KSR1: variants seen among roughly 807,000 people sequenced by gnomAD.
The protein encoded by KSR1 is kinase suppressor of ras.
A neutral mutation model predicts 92.9 loss-of-function variants in KSR1; 35 were observed. The ratio of observed to expected loss-of-function variants is 0.38; its 90% CI spans 0.29 to 0.50. KSR1 has a LOEUF of 0.50. Ranked by LOEUF, KSR1 falls within the 20% of genes least tolerant of loss-of-function variation. KSR1 has a pLI of 0.94. For missense variants in KSR1, 972 were observed against 1,158.5 expected, an observed-to-expected ratio of 0.84 and a Z score of 2.34; for synonymous variants, 467 against 472.6, an observed-to-expected ratio of 0.99 and a Z score of 0.15.
intron 1 of KSR1, among the ~76,000 whole-genome samples, chr17:27,496,050 C>T (rs748977918): frequency 2.0e-4 from 31 of 152,302 alleles, no homozygotes; most frequent in East Asian, 1.9e-4. Flanking sequence ...CATGAGCCGC[C>T]GCAAGATCTG....
At chr17:27,619,798 C>T (rs2074169909) in intron 19 of KSR1, among the ~76,000 whole-genome samples, 1 of 152,078 alleles carries the variant, frequency 6.6e-6, no homozygotes, top group African/African-American at 2.4e-5. Flanking sequence ...CTGCAACCTC[C>T]GCCTCCCGGG....
At chr17:27,557,484 C>T (rs2071647905) in intron 2 of KSR1, among the ~76,000 whole-genome samples, 1 of 152,130 alleles carries the variant, frequency 6.6e-6, no homozygotes, top group Admixed American at 6.5e-5. Context: ...GAACCACTGT[C>T]CAGTGGAAGC....
rs181211930 is a variant in KSR1, at chr17:27,459,763, C to G, written c.231+2889C>G. Among the ~76,000 whole-genome samples the G allele has an allele frequency of 1.3e-5, 2 of 152,298 alleles. No homozygotes were observed. Among genetic ancestry groups the G allele is most frequent in the Admixed American group, 6.5e-5 (1 of 15,296 alleles). ...TGGGAGAAGCAGCACGTGAAATGTC[C>G]GTGGAGGTCCCTGACCAGGGATGGG... is the stretch of plus-strand genomic sequence containing the variant. On this transcript the variant is annotated intron_variant, in intron 1 of 20. Transcript: ENST00000644974. The surrounding 1 kb of genome is among the most constrained non-coding windows in gnomAD (Gnocchi z 4.6).
intron 2 of KSR1, among the ~76,000 whole-genome samples, chr17:27,556,389 A>T (rs1029390189): frequency 4.0e-5 from 6 of 151,770 alleles, no homozygotes; most frequent in Admixed American, 6.6e-5. Context: ...CTATATATAT[A>T]TTTTAATTTT....
At chr17:27,611,399 T>A in intron 17 of KSR1, 95 bp from the exon 18 acceptor site, 1 of 1,530,108 alleles carries the variant, frequency 6.5e-7, no homozygotes, top group Non-Finnish European at 8.9e-7. Flanking sequence ...TGGAGAAGGG[T>A]CCTGATCCTC....
At chr17:27,458,880 A>G (rs1192060145) in intron 1 of KSR1, among the ~76,000 whole-genome samples, 1 of 152,176 alleles carries the variant, frequency 6.6e-6, no homozygotes, top group East Asian at 1.9e-4. Context: ...CTGCAAAACA[A>G]GGAGGCTGGA....
intron 1 of KSR1, chr17:27,465,331 A>G (rs1045943878): frequency 1.3e-5 from 2 of 152,036 alleles, no homozygotes; most frequent in African/African-American, 4.8e-5. Context: ...CCTGCTTGCC[A>G]TTTTTCTTCC....
At chr17:27,598,899 G>C (rs1162689952) in intron 10 of KSR1, among the ~76,000 whole-genome samples, 1 of 152,132 alleles carries the variant, frequency 6.6e-6, no homozygotes, top group African/African-American at 2.4e-5. Flanking sequence ...CGGTGGTTCA[G>C]CTGGAGAAGG....
At chr17:27,539,056 T>C (rs900710432) in intron 1 of KSR1, among the ~76,000 whole-genome samples, 8 of 152,194 alleles carry the variant, frequency 5.3e-5, no homozygotes, top group Non-Finnish European at 1.0e-4. Context: ...GCCTTAAGGA[T>C]AGGTAAGGGG....
intron 18 of KSR1, among the ~76,000 whole-genome samples, chr17:27,616,810 A>G (rs572976757): frequency 6.6e-6 from 1 of 152,330 alleles, no homozygotes; most frequent in African/African-American, 2.4e-5. Context: ...CAGTCGGGAC[A>G]GCTGTTCTGC....
chr17:27,487,078 T>G (rs145414705), intron 1 of KSR1, among the ~76,000 whole-genome samples: 169 of 152,298 alleles, frequency 1.1e-3, no homozygotes, highest in African/African-American at 3.8e-3. Context: ...ACCTCCCTTA[T>G]ACTGTGTTAG....
chr17:27,496,891 G>A (rs112954027), intron 1 of KSR1, among the ~76,000 whole-genome samples: 129 of 152,382 alleles, frequency 8.5e-4, no homozygotes, highest in African/African-American at 2.9e-3. Context: ...CCTCCTCTGA[G>A]ATGAGAGTGT....
intron 1 of KSR1, among the ~76,000 whole-genome samples, chr17:27,477,817 A>G (rs1239787535): frequency 6.6e-6 from 1 of 152,042 alleles, no homozygotes; most frequent in Non-Finnish European, 1.5e-5. Flanking sequence ...GGCTCAAGCA[A>G]TCCTCCTGCC....
rs200904358 is a variant in KSR1 at position 27,563,981 on chromosome 17, CTTTTTTTTT to C, written c.372+13290_372+13298del. Among the ~76,000 whole-genome samples, 14 of 46,876 alleles carry C rather than the reference CTTTTTTTTT, an allele frequency of 3.0e-4. 1 individual carries two copies. Among genetic ancestry groups the C allele is most frequent in the Non-Finnish European group, 3.6e-5 (1 of 27,646 alleles). The allele number at this position is 46,876 out of a possible 152,430, so 30.8% of individuals were successfully genotyped here. On this transcript the variant is annotated intron_variant, in intron 2 of 20. Coordinates refer to ENST00000644974, the MANE Select transcript of KSR1 (RefSeq NM_001394583.1). ...TATTTGTACAGTTGGTATTCGGTAG[CTTTTTTTTT>C]TTTTTTTTTTTTTTTTGAGATGGAA... is the stretch of plus-strand genomic sequence containing the variant.
intron 1 of KSR1, among the ~76,000 whole-genome samples, chr17:27,483,368 A>G (rs1418425164): frequency 2.6e-5 from 4 of 152,218 alleles, no homozygotes; most frequent in South Asian, 2.1e-4. Flanking sequence ...CGGGTGGATC[A>G]CCTGAGGTCG....
intron 1 of KSR1, chr17:27,527,008 T>C (rs1447945795): frequency 2.0e-6 from 1 of 512,458 alleles, no homozygotes; most frequent in Non-Finnish European, 3.7e-6. Context: ...TCCCAGCCCT[T>C]CTTCAGCTGT....
intron 2 of KSR1, among the ~76,000 whole-genome samples, chr17:27,567,652 C>T (rs567695867): frequency 6.6e-6 from 1 of 152,330 alleles, no homozygotes; most frequent in Admixed American, 6.5e-5. Context: ...TCAGGGCAGA[C>T]CTCAGGGACA....
intron 1 of KSR1, among the ~76,000 whole-genome samples, chr17:27,462,036 A>G (rs2019475018): frequency 6.6e-6 from 1 of 152,150 alleles, no homozygotes; most frequent in South Asian, 2.1e-4. Flanking sequence ...TGTTTAATTC[A>G]AAGGGAAAGC....
chr17:27,539,959 C>T (rs573887782), intron 1 of KSR1, among the ~76,000 whole-genome samples: 5 of 152,374 alleles, frequency 3.3e-5, no homozygotes, highest in South Asian at 4.1e-4. Context: ...TCACAACCTC[C>T]GTGGCACATA....
Sources: allele counts gnomAD v4.1 joint callset (sites outside exome capture counted in the v4.1 genomes callset), GRCh38; gene constraint gnomAD v4.1.1; non-coding constraint Gnocchi (gnomAD v3.1); transcripts MANE v1.5; gene names NCBI Gene and HGNC (gene_info 2026-07-23, HGNC 2026-07-21).